RANBP2: variants seen among roughly 807,000 people sequenced by gnomAD.
RANBP2 encodes RAN binding protein 2, also known as E3 SUMO-protein ligase RanBP2.
RANBP2 carries 57 observed loss-of-function variants against 303.6 expected under a neutral mutation model. That is an observed-to-expected ratio of 0.19 (90% CI 0.15 to 0.23). RANBP2 has a LOEUF of 0.23. RANBP2 is among the 10% of genes least tolerant of loss of function. The probability of loss-of-function intolerance (pLI) is 1.00; values close to 1 mark genes in which losing one functional copy is unlikely to be tolerated. For synonymous variants in RANBP2, 1,167 were observed against 1,301.5 expected (o/e 0.90, Z 2.23); for missense variants, 3,138 against 3,780.8 (o/e 0.83, Z 4.46).
chr2:109,104,190 G>A, the RANBP2 span, among the ~76,000 whole-genome samples: 2 of 152,202 alleles, frequency 1.3e-5, no homozygotes, highest in African/African-American at 4.8e-5. Flanking sequence ...AAAATGCTTT[G>A]ATTTCCTTCA....
chr2:109,615,792 G>T, the RANBP2 span: 2 of 1,614,148 alleles, frequency 1.2e-6, no homozygotes, highest in Non-Finnish European at 1.7e-6. Context: ...CCTAGAAGAT[G>T]GAGGGGACCA....
At chr2:109,121,254 C>CAA in the RANBP2 span, among the ~76,000 whole-genome samples, 1 of 7,104 alleles carries the variant, frequency 1.4e-4, no homozygotes. Context: ...CTCTCTAAAA[C>CAA]AAAACAAAAC....
At chr2:108,869,772 A>G in the RANBP2 span, among the ~76,000 whole-genome samples, 8 of 152,284 alleles carry the variant, frequency 5.3e-5, no homozygotes, top group East Asian at 5.8e-4. Flanking sequence ...CACACTCCCT[A>G]CACCGTTCCC....
At chr2:109,026,997 A>C in the RANBP2 span, among the ~76,000 whole-genome samples, 1 of 152,170 alleles carries the variant, frequency 6.6e-6, no homozygotes, top group Non-Finnish European at 1.5e-5. Flanking sequence ...TAATTGCAGC[A>C]CTCTGGGAGG....
the RANBP2 span, among the ~76,000 whole-genome samples, chr2:109,061,388 G>T: frequency 6.6e-5 from 10 of 152,224 alleles, 1 homozygote; most frequent in African/African-American, 2.2e-4. Flanking sequence ...GACATCATTT[G>T]TCATTGCTGA....
At chr2:109,430,212 C>T in the RANBP2 span, among the ~76,000 whole-genome samples, 497 of 152,346 alleles carry the variant, frequency 3.3e-3, 3 homozygotes, top group African/African-American at 0.011. Flanking sequence ...GGAGCCAACC[C>T]GGCTGCGCAT....
At chr2:109,120,959 A>C in the RANBP2 span, among the ~76,000 whole-genome samples, 3 of 152,282 alleles carry the variant, frequency 2.0e-5, no homozygotes, top group African/African-American at 7.2e-5. Flanking sequence ...TAAGAAGTGA[A>C]GTTCTGGCTG....
At chr2:109,394,913 C>T in the RANBP2 span, among the ~76,000 whole-genome samples, 11 of 152,328 alleles carry the variant, frequency 7.2e-5, no homozygotes, top group South Asian at 1.2e-3. Flanking sequence ...AATGGGTGCA[C>T]GGGAGCCGCC....
chr2:109,384,852 A>C, the RANBP2 span, among the ~76,000 whole-genome samples: 15 of 152,194 alleles, frequency 9.9e-5, no homozygotes, highest in Non-Finnish European at 2.2e-4. Context: ...GATGGTTCCC[A>C]TGTGGCTTCT....
At chr2:109,624,326 A>G in the RANBP2 span, among the ~76,000 whole-genome samples, 1 of 152,172 alleles carries the variant, frequency 6.6e-6, no homozygotes, top group Non-Finnish European at 1.5e-5. Flanking sequence ...AACATGATGC[A>G]TATTATATTT....
chr2:109,494,189 T>C, the RANBP2 span, among the ~76,000 whole-genome samples: 1 of 152,198 alleles, frequency 6.6e-6, no homozygotes, highest in Non-Finnish European at 1.5e-5. Context: ...AGACCCTGTT[T>C]CTATAAAGTC....
At chr2:109,611,575 T>G in the RANBP2 span, among the ~76,000 whole-genome samples, 11 of 151,066 alleles carry the variant, frequency 7.3e-5, no homozygotes, top group African/African-American at 2.7e-4. Context: ...CTGGGCAACA[T>G]GGTCACACCC....
At chr2:108,811,578 G>GT in the RANBP2 span, among the ~76,000 whole-genome samples, 16 of 151,574 alleles carry the variant, frequency 1.1e-4, no homozygotes, top group Admixed American at 4.0e-4. Flanking sequence ...TGGTTTGTTG[G>GT]TTTTTTTATT....
the RANBP2 span, among the ~76,000 whole-genome samples, chr2:109,468,660 C>T: frequency 1.3e-5 from 2 of 151,988 alleles, no homozygotes; most frequent in South Asian, 4.2e-4. Flanking sequence ...TTGAGACCAG[C>T]CTGGCCAACA....
chr2:108,841,679 A>G, the RANBP2 span, among the ~76,000 whole-genome samples: 1 of 152,152 alleles, frequency 6.6e-6, no homozygotes, highest in East Asian at 1.9e-4. Flanking sequence ...ATTTAGAAAA[A>G]ATAAACTTTG....
the RANBP2 span, among the ~76,000 whole-genome samples, chr2:109,250,347 G>A: frequency 6.6e-6 from 1 of 152,064 alleles, no homozygotes; most frequent in Non-Finnish European, 1.5e-5. Flanking sequence ...CAAGCTAACA[G>A]TCTCCATCAG....
the RANBP2 span, among the ~76,000 whole-genome samples, chr2:109,198,495 C>G: frequency 2.0e-5 from 3 of 152,302 alleles, no homozygotes; most frequent in South Asian, 6.2e-4. Flanking sequence ...GCTGCTATAA[C>G]AAAATACCAC....
the RANBP2 span, among the ~76,000 whole-genome samples, chr2:109,739,047 C>T: frequency 4.4e-5 from 6 of 137,306 alleles, no homozygotes; most frequent in African/African-American, 1.4e-4. Context: ...GCACTTCTGT[C>T]GAAAATGAGT....
At chr2:108,832,298 A>T in the RANBP2 span, among the ~76,000 whole-genome samples, 1 of 149,024 alleles carries the variant, frequency 6.7e-6, no homozygotes, top group Non-Finnish European at 1.5e-5. Flanking sequence ...AAGTGCTGAG[A>T]TTACAGGCGT....
Sources: gnomAD v4.1 joint callset for allele counts (sites outside exome capture counted in the v4.1 genomes callset) on GRCh38, gnomAD v4.1.1 for gene constraint, MANE v1.5 for transcripts, NCBI Gene and HGNC (gene_info 2026-07-23, HGNC 2026-07-21) for gene names.